The following CDH12 variants were observed in gnomAD, a reference collection of about 807,000 sequenced individuals.
The protein encoded by CDH12 is cadherin-12.
In CDH12, 41 loss-of-function variants were observed where a neutral mutation model predicts 74.1. That is an observed-to-expected ratio of 0.55 (90% CI 0.43 to 0.72). The LOEUF is 0.72. CDH12 is among the 30% of genes least tolerant of loss of function. The probability of loss-of-function intolerance (pLI) is 0.00; values close to 1 mark genes in which losing one functional copy is unlikely to be tolerated. For synonymous variants in CDH12, 399 were observed against 355.0 expected, an observed-to-expected ratio of 1.12 and a Z score of -1.39; for missense variants, 945 against 977.2, an observed-to-expected ratio of 0.97 and a Z score of 0.44.
chr5:22,643,102 T>C (rs1221339670), intron 1 of CDH12, among the ~76,000 whole-genome samples: 2 of 152,292 alleles, frequency 1.3e-5, no homozygotes, highest in Non-Finnish European at 2.9e-5. Context: ...CTGACTCTCC[T>C]AGCATTAAAA....
At chr5:21,924,300 G>T (rs1267023658) in intron 6 of CDH12, among the ~76,000 whole-genome samples, 1 of 152,154 alleles carries the variant, frequency 6.6e-6, no homozygotes, top group African/African-American at 2.4e-5. Context: ...GGCCGAGGCC[G>T]AGGTCAGGAG....
intron 6 of CDH12, among the ~76,000 whole-genome samples, chr5:21,865,392 G>T (rs1409563170): frequency 6.6e-6 from 1 of 152,174 alleles, no homozygotes; most frequent in Non-Finnish European, 1.5e-5. Context: ...ATGGAAAGAA[G>T]GGGGGCAGGT....
intron 4 of CDH12, among the ~76,000 whole-genome samples, chr5:22,094,385 T>C (rs959490547): frequency 1.3e-5 from 2 of 152,140 alleles, no homozygotes; most frequent in African/African-American, 4.8e-5. Context: ...ATAATGTCAA[T>C]ACATAATGGT....
At chr5:22,754,657 C>T (rs764863557) in intron 1 of CDH12, among the ~76,000 whole-genome samples, 4 of 151,064 alleles carry the variant, frequency 2.6e-5, no homozygotes, top group Non-Finnish European at 5.9e-5. Context: ...AGAGACATAA[C>T]GGCACAAAAC....
chr5:22,217,292 A>G (rs1751839681), intron 3 of CDH12, among the ~76,000 whole-genome samples: 1 of 151,836 alleles, frequency 6.6e-6, no homozygotes, highest in South Asian at 2.1e-4. Flanking sequence ...AATGGATGTT[A>G]GCCATCCTCT....
At chr5:22,444,803 A>T (rs1400271646) in intron 2 of CDH12, among the ~76,000 whole-genome samples, 1 of 151,976 alleles carries the variant, frequency 6.6e-6, no homozygotes, top group African/African-American at 2.4e-5. Flanking sequence ...TATTATTAGT[A>T]TTTTCTAGTT....
chr5:22,275,987 G>C (rs80111203), intron 3 of CDH12, among the ~76,000 whole-genome samples: 2,167 of 151,692 alleles, frequency 0.014, 40 homozygotes, highest in African/African-American at 0.049. Context: ...TTTTTTTTCA[G>C]ATCTTTACTA....
At chr5:22,096,766 C>G (rs1743806802) in intron 4 of CDH12, among the ~76,000 whole-genome samples, 1 of 152,036 alleles carries the variant, frequency 6.6e-6, no homozygotes, top group Non-Finnish European at 1.5e-5. Flanking sequence ...AGTTCATGGC[C>G]CCTTTAGCAG....
At position 22,176,089 on chromosome 5, in the gene CDH12, G is replaced by A. The variant is rs1017070965; in HGVS notation, c.-187+36409C>T. ...TTGAGCAACTGGGCTCATTTGACTC[G>A]TCCTAGTTCTCAGTGTATACATTAT... On this transcript the variant is annotated intron_variant, in intron 4 of 14. Transcript: ENST00000382254. Among the ~76,000 whole-genome samples the A allele has an allele frequency of 3.3e-5, 5 of 151,994 alleles. No homozygotes were observed. The East Asian group carries it at 5.8e-4, about 18-fold the overall frequency.
chr5:22,634,521 T>A (rs950581992), intron 1 of CDH12, among the ~76,000 whole-genome samples: 11 of 152,144 alleles, frequency 7.2e-5, no homozygotes, highest in African/African-American at 2.7e-4. Flanking sequence ...TGATAACATT[T>A]TCAATGCATC....
intron 4 of CDH12, among the ~76,000 whole-genome samples, chr5:22,105,277 T>C (rs916446485): frequency 1.3e-4 from 19 of 151,518 alleles, no homozygotes; most frequent in African/African-American, 3.9e-4. Context: ...ATATTTTCAG[T>C]AGAGATAGGG....
intron 7 of CDH12, among the ~76,000 whole-genome samples, chr5:21,853,752 G>A (rs992192818): frequency 6.6e-6 from 1 of 151,604 alleles, no homozygotes; most frequent in Non-Finnish European, 1.5e-5. Flanking sequence ...TCAAATGCAT[G>A]TTGGTATTTA....
At chr5:21,836,787 T>A (rs576619272) in intron 8 of CDH12, among the ~76,000 whole-genome samples, 1 of 152,062 alleles carries the variant, frequency 6.6e-6, no homozygotes, top group East Asian at 1.9e-4. Context: ...CAGATGGAAA[T>A]CCTCTACAGA....
chr5:22,493,814 AC>A (rs1746989386), intron 2 of CDH12, among the ~76,000 whole-genome samples: 1 of 152,162 alleles, frequency 6.6e-6, no homozygotes, highest in Admixed American at 6.5e-5. Context: ...CTTAGATGAG[AC>A]CATGGGACCT....
chr5:22,819,688 A>G (rs776572150), intron 1 of CDH12, among the ~76,000 whole-genome samples: 4 of 151,854 alleles, frequency 2.6e-5, no homozygotes, highest in Non-Finnish European at 5.9e-5. Flanking sequence ...AGAATAAGAC[A>G]TGTAACAAAT....
At chr5:22,312,614 A>G (rs1234127495) in intron 3 of CDH12, among the ~76,000 whole-genome samples, 2 of 152,218 alleles carry the variant, frequency 1.3e-5, no homozygotes, top group African/African-American at 4.8e-5. Flanking sequence ...TTATCTGTAC[A>G]TAAGTTAGAC....
At chr5:21,846,396 T>C (rs923039952) in intron 7 of CDH12, among the ~76,000 whole-genome samples, 4 of 146,230 alleles carry the variant, frequency 2.7e-5, no homozygotes, top group Admixed American at 2.1e-4. Context: ...GCATCCTTGA[T>C]TTCCTCAGCA....
chr5:22,583,397 T>C (rs1474122986), intron 1 of CDH12, among the ~76,000 whole-genome samples: 2 of 152,206 alleles, frequency 1.3e-5, no homozygotes, highest in Non-Finnish European at 2.9e-5. Context: ...ATTTATATTT[T>C]AAAATTCACT....
intron 1 of CDH12, among the ~76,000 whole-genome samples, chr5:22,652,482 TTC>T (rs1739794924): frequency 6.6e-6 from 1 of 152,176 alleles, no homozygotes; most frequent in Non-Finnish European, 1.5e-5. Context: ...TTCAGATCGA[TTC>T]CATTTGAACA....
Sources: gnomAD v4.1 joint callset for allele counts (sites outside exome capture counted in the v4.1 genomes callset) on GRCh38, gnomAD v4.1.1 for gene constraint, MANE v1.5 for transcripts, NCBI Gene and HGNC (gene_info 2026-07-23, HGNC 2026-07-21) for gene names.